MECOM: variants seen among roughly 807,000 people sequenced by gnomAD.
MECOM encodes histone-lysine N-methyltransferase MECOM.
In MECOM, 13 loss-of-function variants were observed where a neutral mutation model predicts 116.3. The ratio of observed to expected loss-of-function variants is 0.11; its 90% CI spans 0.07 to 0.18. The LOEUF is 0.18. Among genes scored for constraint, MECOM ranks in the 10% least tolerant of loss-of-function variants. MECOM has a pLI of 1.00. For missense variants in MECOM, 1,299 were observed against 1,509.0 expected, an observed-to-expected ratio of 0.86 and a Z score of 2.31; for synonymous variants, 528 against 535.2, an observed-to-expected ratio of 0.99 and a Z score of 0.19.
chr3:169,511,192 A>G (rs955616033), intron 1 of MECOM, among the ~76,000 whole-genome samples: 1 of 152,244 alleles, frequency 6.6e-6, no homozygotes, highest in Admixed American at 6.5e-5. Context: ...TCAGACTTGC[A>G]TTCAAATTAA....
intron 1 of MECOM, among the ~76,000 whole-genome samples, chr3:169,520,161 A>G (rs1757182275): frequency 1.3e-5 from 2 of 152,250 alleles, no homozygotes; most frequent in African/African-American, 4.8e-5. Context: ...ATAGAACAAG[A>G]TAGAAAGAGA....
chr3:169,345,036 C>T lies in MECOM; in HGVS notation c.375+36151G>A, dbSNP rs547481342. On this transcript the variant is annotated intron_variant, in intron 2 of 16. Transcript: ENST00000651503. ...GCTGCACATTATCACAGTATTAATA[C>T]GACTGTTGGGGAATAAATGCATTTA... Among the ~76,000 whole-genome samples the T allele has an allele frequency of 1.1e-4, 16 of 152,208 alleles. No individual in the cohort carries two copies. In the South Asian group the frequency reaches 2.1e-3, roughly 20 times the overall value.
rs1204216182 is a variant in MECOM at position 169,093,038 on chromosome 3, T to G, written c.3084A>C (p.Glu1028Asp). ...ESTGAILDDK[E>D]DAYFTEIRNF... ...TTCGAATTTCTGTGAAGTAAGCATC[T>G]TCTTTGTCATCCAGAATCGCACCTG... The change falls in exon 14 of 17, where the codon GAA becomes GAC. Residue 1028 changes from glutamate (E) to aspartate (D), a missense_variant. Physicochemically the swap from Glu to Asp is conservative, Grantham distance 45 (BLOSUM62 2). Around this residue, in one of 6 missense-constraint regions of MECOM, gnomAD observed 273 missense variants for 289.3 expected, o/e 0.94. Coordinates refer to ENST00000651503, the MANE Select transcript of MECOM (RefSeq NM_004991.4). The G allele has an allele frequency of 3.1e-6, 5 of 1,613,792 alleles. No homozygotes were observed. Among genetic ancestry groups the G allele is most frequent in the African/African-American group, 1.3e-5 (1 of 74,916 alleles).
chr3:169,334,194 TA>T (rs1172014797), intron 2 of MECOM, among the ~76,000 whole-genome samples: 2 of 152,176 alleles, frequency 1.3e-5, no homozygotes, highest in Admixed American at 6.6e-5. Context: ...TATTTTTAGC[TA>T]CTCATTTGTA....
intron 1 of MECOM, among the ~76,000 whole-genome samples, chr3:169,396,348 C>G (rs1286961834): frequency 1.3e-5 from 2 of 152,044 alleles, no homozygotes; most frequent in Non-Finnish European, 2.9e-5. Context: ...TATATGGTAC[C>G]CAGGAGTCAC....
At chr3:169,169,365 A>C (rs1004532855) in intron 2 of MECOM, among the ~76,000 whole-genome samples, 4 of 152,220 alleles carry the variant, frequency 2.6e-5, no homozygotes, top group Non-Finnish European at 5.9e-5. Flanking sequence ...AAGTTAAATT[A>C]ACCTCATTAC....
intron 1 of MECOM, among the ~76,000 whole-genome samples, chr3:169,568,941 C>A (rs1322399764): frequency 6.6e-6 from 1 of 152,012 alleles, no homozygotes; most frequent in Non-Finnish European, 1.5e-5. Context: ...AACTAACGGG[C>A]AAAATAACCA....
intron 2 of MECOM, among the ~76,000 whole-genome samples, chr3:169,178,755 G>A (rs1267064316): frequency 6.6e-6 from 1 of 152,152 alleles, no homozygotes; most frequent in Non-Finnish European, 1.5e-5. Context: ...CCTAGGATAT[G>A]TTACGCTAGA....
chr3:169,489,554 G>A (rs1443419679), intron 1 of MECOM, among the ~76,000 whole-genome samples: 1 of 152,168 alleles, frequency 6.6e-6, no homozygotes, highest in Non-Finnish European at 1.5e-5. Flanking sequence ...TGGACCAAAT[G>A]ATCAGGACAG....
intron 1 of MECOM, among the ~76,000 whole-genome samples, chr3:169,562,164 G>GAAAAAAAAAAAAAAAAAAA (rs1762727118): frequency 9.9e-6 from 1 of 101,102 alleles, no homozygotes; most frequent in Non-Finnish European, 2.0e-5. Flanking sequence ...AAAAAAAAAG[G>GAAAAAAAAAAAAAAAAAAA]AAAGAAAGAA....
intron 1 of MECOM, among the ~76,000 whole-genome samples, chr3:169,503,316 G>C (rs12495069): frequency 0.35 from 53,091 of 151,844 alleles, 10,400 homozygotes; most frequent in African/African-American, 0.54. Flanking sequence ...AGAAAACGTT[G>C]GTGAAACCAT....
chr3:169,262,958 G>C (rs1268181503), intron 2 of MECOM, among the ~76,000 whole-genome samples: 2 of 148,618 alleles, frequency 1.3e-5, no homozygotes, highest in East Asian at 4.1e-4. Context: ...CAGCTCAGCT[G>C]CCTCTTTCCC....
chr3:169,254,814 A>G (rs1577480901), intron 2 of MECOM, among the ~76,000 whole-genome samples: 1 of 152,110 alleles, frequency 6.6e-6, no homozygotes, highest in East Asian at 1.9e-4. Flanking sequence ...CAAAGTTAGA[A>G]GTGGACAGAG....
intron 2 of MECOM, among the ~76,000 whole-genome samples, chr3:169,188,080 C>T (rs1022646602): frequency 1.3e-5 from 2 of 151,848 alleles, no homozygotes; most frequent in Non-Finnish European, 1.5e-5. Context: ...CTTAGATTCC[C>T]GTAATAAAAT....
chr3:169,519,313 G>A lies in MECOM; in HGVS notation c.38-137789C>T, dbSNP rs375972980. ...TTTTATAGACAGAGACTGATAATGT[G>A]AGACTTTGTGAAGACCTCAGCCATT... On this transcript the variant is annotated intron_variant, in intron 1 of 16. Coordinates refer to ENST00000651503, the MANE Select transcript of MECOM (RefSeq NM_004991.4). 8.5e-5 allele frequency among the ~76,000 whole-genome samples: 13 copies of A among 152,286 alleles called. No individual in the cohort carries two copies. The South Asian group carries it at 2.5e-3, about 29-fold the overall frequency.
At chr3:169,530,617 A>C (rs1173362289) in intron 1 of MECOM, among the ~76,000 whole-genome samples, 1 of 152,098 alleles carries the variant, frequency 6.6e-6, no homozygotes, top group Non-Finnish European at 1.5e-5. Context: ...TGTCTGCCGC[A>C]CTGGGGTGTC....
chr3:169,138,113 A>G (rs1013052301), intron 3 of MECOM, among the ~76,000 whole-genome samples: 1 of 152,122 alleles, frequency 6.6e-6, no homozygotes, highest in Non-Finnish European at 1.5e-5. Flanking sequence ...TCCTTGACCA[A>G]AACATTATCC....
chr3:169,250,424 A>G (rs1445646095), intron 2 of MECOM, among the ~76,000 whole-genome samples: 6 of 152,200 alleles, frequency 3.9e-5, no homozygotes, highest in Non-Finnish European at 8.8e-5. Flanking sequence ...CCGCATACCA[A>G]GTGAAGACCT....
At chr3:169,496,562 A>T (rs1198775813) in intron 1 of MECOM, among the ~76,000 whole-genome samples, 2 of 152,214 alleles carry the variant, frequency 1.3e-5, no homozygotes, top group African/African-American at 4.8e-5. Flanking sequence ...TCGGCAAGCC[A>T]CTGCTCTGGC....
Sources: allele counts gnomAD v4.1 joint callset (sites outside exome capture counted in the v4.1 genomes callset), GRCh38; gene constraint gnomAD v4.1.1; regional missense constraint gnomAD v4.1.1; transcripts MANE v1.5; gene names NCBI Gene and HGNC (gene_info 2026-07-23, HGNC 2026-07-21).